SNRNP200: variants seen among roughly 807,000 people sequenced by gnomAD.
The protein encoded by SNRNP200 is U5 small nuclear ribonucleoprotein 200 kDa helicase.
In SNRNP200, 66 loss-of-function variants were observed where a neutral mutation model predicts 255.2. That is an observed-to-expected ratio of 0.26 (90% CI 0.21 to 0.32). The LOEUF (loss-of-function observed/expected upper bound fraction) is 0.32, where lower values mean the gene tolerates loss of function less well. SNRNP200 is among the 10% of genes least tolerant of loss of function. The pLI, the probability that SNRNP200 is intolerant of heterozygous loss-of-function variation, is 1.00. For synonymous variants in SNRNP200, 939 were observed against 1,027.8 expected, an observed-to-expected ratio of 0.91 and a Z score of 1.65; for missense variants, 1,585 against 2,749.8, an observed-to-expected ratio of 0.58 and a Z score of 9.47.
rs780821025 is a variant in SNRNP200, at chr2:96,296,922, G to A, written c.1515+11C>T. The A allele has an allele frequency of 2.5e-6, 4 of 1,614,138 alleles. No individual in the cohort carries two copies. Among genetic ancestry groups the A allele is most frequent in the South Asian group, 2.2e-5 (2 of 91,072 alleles). On this transcript the variant is annotated intron_variant, in intron 12 of 44. Transcript: ENST00000323853. ...ATTCTACAAGAAAACAGCAGGCAGGGTGGCGCTTACAGTAGGAGCACACAG... is the reference window on the plus strand; with the variant it reads ...ATTCTACAAGAAAACAGCAGGCAGGATGGCGCTTACAGTAGGAGCACACAG...
intron 29 of SNRNP200, 44 bp from the exon 30 acceptor site, chr2:96,285,384 G>C (rs2063838178): frequency 6.3e-7 from 1 of 1,599,096 alleles, no homozygotes. Context: ...CAAGAAGGAA[G>C]AAGAGACGGA....
chr2:96,295,675 A>G lies in SNRNP200; in HGVS notation c.1672-17T>C. 2 of 1,612,652 alleles carry G rather than the reference A, an allele frequency of 1.2e-6. No homozygotes were observed. Among genetic ancestry groups the G allele is most frequent in the Non-Finnish European group, 1.7e-6 (2 of 1,179,898 alleles). On this transcript the variant is annotated splice_polypyrimidine_tract_variant and intron_variant, in intron 13 of 44. Coordinates refer to ENST00000323853, the MANE Select transcript of SNRNP200 (RefSeq NM_014014.5). ...GGCCAGGCGCTGTGGGAGGAAAACT[A>G]CATCAGGCAGGAATGCTTGAAGGGG...
Position 96,278,517 on chromosome 2 carries a change from A to G in SNRNP200, c.5488+30T>C, listed in dbSNP as rs1684708107. On this transcript the variant is annotated intron_variant, in intron 38 of 44. Coordinates refer to ENST00000323853, the MANE Select transcript of SNRNP200 (RefSeq NM_014014.5). This position sits in a 1 kb window ranked among gnomAD's most constrained non-coding sequence, Gnocchi z 6.9. ...CTGACCCGTGTAAAAAGGCTCCCAC[A>G]GACAGGACACGGGCCATGCCGGGCC... 1.2e-6 allele frequency: 2 copies of G among 1,613,176 alleles called. No homozygotes were observed. Among genetic ancestry groups the G allele is most frequent in the Admixed American group, 3.3e-5 (2 of 60,010 alleles).
At position 96,295,163 on chromosome 2, in the gene SNRNP200, C is replaced by T. The variant is rs567675031; in HGVS notation, c.1842+325G>A. Among the ~76,000 whole-genome samples, 17 of 152,210 alleles carry T rather than the reference C, an allele frequency of 1.1e-4. No homozygotes were observed. In the East Asian group the frequency reaches 2.9e-3, roughly 26 times the overall value. On this transcript the variant is annotated intron_variant, in intron 14 of 44. Coordinates refer to ENST00000323853, the MANE Select transcript of SNRNP200 (RefSeq NM_014014.5). The stretch of plus-strand genomic sequence containing the variant: ...GGCAGAGGCTGCAGTGAGCCAAGAT[C>T]GTGCCACTGTACTCAGCCTGGGCGA...
In SNRNP200 at chr2:96,293,070, T is replaced by C. The variant is rs767673801; in HGVS notation, c.2062A>G (p.Thr688Ala). The C allele has an allele frequency of 6.2e-6, 10 of 1,614,220 alleles. No individual in the cohort carries two copies. The Admixed American group carries it at 1.7e-4, about 27-fold the overall frequency. The change falls in exon 16 of 45, where the codon ACA becomes GCA. Residue 688 changes from threonine (T) to alanine (A), a missense_variant. By Grantham distance (58) the Thr-to-Ala change is moderately conservative (BLOSUM62 0). Coordinates refer to ENST00000323853, the MANE Select transcript of SNRNP200 (RefSeq NM_014014.5). Reference sequence around the variant, plus strand: ...TTTTTCTCTGTGATACCCACATATGTCTGTTCCAGAGGCACTGGACGGAAG... The same window carrying C: ...TTTTTCTCTGTGATACCCACATATGCCTGTTCCAGAGGCACTGGACGGAAG... ...NSFRPVPLEQ[T>A]YVGITEKKAI...
At chr2:96,302,129 G>A (rs758107220) in intron 3 of SNRNP200, among the ~76,000 whole-genome samples, 4 of 152,222 alleles carry the variant, frequency 2.6e-5, no homozygotes, top group Admixed American at 6.5e-5. Flanking sequence ...AAACTATCTG[G>A]ATCATATCTT....
intron 14 of SNRNP200, 143 bp downstream of exon 14, chr2:96,295,345 T>A: frequency 6.9e-7 from 1 of 1,456,948 alleles, no homozygotes; most frequent in Non-Finnish European, 9.6e-7. Context: ...AGAAGATGGA[T>A]CTCATCCTAC....
Position 96,288,706 on chromosome 2 carries a change from A to G in SNRNP200, c.3215T>C (p.Leu1072Ser). The change falls in exon 24 of 45, where the codon TTG (leucine) becomes TCG (serine). Residue 1072 changes from leucine (L) to serine (S), a missense_variant. Leu to Ser is a moderately radical substitution (Grantham distance 145, BLOSUM62 -2). Around this residue, in one of 9 missense-constraint regions of SNRNP200, gnomAD observed 719 missense variants for 1,091.1 expected, o/e 0.66. Coordinates refer to ENST00000323853, the MANE Select transcript of SNRNP200 (RefSeq NM_014014.5). Reference protein sequence around the residue: ...LLQAFISQLKLEGFALMADMV... With the variant: ...LLQAFISQLKSEGFALMADMV... ...GTCAGCCATCAGTGCAAAGCCCTCC[A>G]ATTTCAGCTGTGAGATGAAGGCTTG... 1 of 1,614,086 alleles carries G rather than the reference A, an allele frequency of 6.2e-7. No homozygotes were observed. The highest frequency in any genetic ancestry group is 8.5e-7 in the Non-Finnish European group (1 of 1,180,026).
chr2:96,282,994 C>T, intron 34 of SNRNP200: 2 of 663,460 alleles, frequency 3.0e-6, no homozygotes, highest in East Asian at 2.8e-5. Flanking sequence ...TGCCTGTTTT[C>T]TCACCTGGCA....
At chr2:96,279,067 A>C in intron 36 of SNRNP200, 69 bp from the exon 37 acceptor site, 2 of 1,275,484 alleles carry the variant, frequency 1.6e-6, no homozygotes, top group Non-Finnish European at 2.3e-6. Context: ...GGCCAAGGGC[A>C]AATCAACAGG....
At chr2:96,303,667 A>G (rs2063968523) in intron 2 of SNRNP200, among the ~76,000 whole-genome samples, 1 of 152,210 alleles carries the variant, frequency 6.6e-6, no homozygotes, top group South Asian at 2.1e-4. Flanking sequence ...AGGCAGGCGG[A>G]TCACCTGAGG....
rs2063884880 is a variant in SNRNP200, at chr2:96,291,674, C to T, written c.2310+77G>A. The T allele has an allele frequency of 6.5e-7, 1 of 1,534,060 alleles. No homozygotes were observed. The highest frequency in any genetic ancestry group is 1.1e-5 in the South Asian group (1 of 89,422). On this transcript the variant is annotated intron_variant, in intron 17 of 44. Transcript: ENST00000323853. The surrounding 1 kb of genome is among the most constrained non-coding windows in gnomAD (Gnocchi z 4.2). ...GAAACAACAATACCACAGTACAGTCCTAGAGGAGCTGTCTGGGGCCTGAGA... is the reference window on the plus strand; with the variant it reads ...GAAACAACAATACCACAGTACAGTCTTAGAGGAGCTGTCTGGGGCCTGAGA...
At chr2:96,282,248 G>C (rs1327936680) in intron 34 of SNRNP200, 1 of 329,936 alleles carries the variant, frequency 3.0e-6, no homozygotes. Context: ...CCACGGGCTG[G>C]CTCAGCCATG....
rs921936804 is a variant in SNRNP200, at chr2:96,292,900, C to A, written c.2160+72G>T. The A allele has an allele frequency of 5.8e-6, 9 of 1,550,170 alleles. No individual in the cohort carries two copies. In the African/African-American group the frequency reaches 1.2e-4, roughly 21 times the overall value. On this transcript the variant is annotated intron_variant, in intron 16 of 44. Coordinates refer to ENST00000323853, the MANE Select transcript of SNRNP200 (RefSeq NM_014014.5). ...CTTCTCTCTTTTAATTTCTGTCAAT[C>A]TTCCCCAATTATTGGTGAATCAAAC...
At position 96,284,547 on chromosome 2, in the gene SNRNP200, G is replaced by A. The variant is rs1166351307; in HGVS notation, c.4203C>T (p.Leu1401=). The change falls in exon 31 of 45, where the codon CTC becomes CTT. Residue 1401 remains leucine, a synonymous_variant. Coordinates refer to ENST00000323853, the MANE Select transcript of SNRNP200 (RefSeq NM_014014.5). The part of the protein sequence containing the change: ...MDWYEKFQDR[L]NKKVVLLTGE... ...CTGTCAGGAGTACCACCTTCTTGTT[G>A]AGCCTGTCCTGGAACTTCTCGTACC... The A allele has an allele frequency of 6.2e-7, 1 of 1,613,978 alleles. No homozygotes were observed. The highest frequency in any genetic ancestry group is 1.3e-5 in the African/African-American group (1 of 74,888).
At chr2:96,276,163 A>T (rs1684654672) in intron 43 of SNRNP200, among the ~76,000 whole-genome samples, 3 of 152,216 alleles carry the variant, frequency 2.0e-5, no homozygotes, top group Admixed American at 2.0e-4. Context: ...TAGTTTACAG[A>T]ATTAAACATG....
chr2:96,297,299 C>G lies in SNRNP200; in HGVS notation c.1377+64G>C, dbSNP rs1018817064. The G allele has an allele frequency of 2.9e-5, 46 of 1,600,652 alleles. No homozygotes were observed. The South Asian group carries it at 3.7e-4, about 13-fold the overall frequency. The stretch of plus-strand genomic sequence containing the variant: ...ATATGAAACAAGGCTACATTTTGGT[C>G]AATGGTTGAAATCCAAACCAGGAGG... On this transcript the variant is annotated intron_variant, in intron 11 of 44. Coordinates refer to ENST00000323853, the MANE Select transcript of SNRNP200 (RefSeq NM_014014.5).
In SNRNP200 at chr2:96,287,628, C is replaced by A. The variant is rs1175928828; in HGVS notation, c.3366-71G>T. The stretch of plus-strand genomic sequence containing the variant: ...TGACAAACCACCCACTTCATGGCTT[C>A]CAATAGTTTAGCAGTGACTACACAA... On this transcript the variant is annotated intron_variant, in intron 25 of 44. Coordinates refer to ENST00000323853, the MANE Select transcript of SNRNP200 (RefSeq NM_014014.5). This position sits in a 1 kb window ranked among gnomAD's most constrained non-coding sequence, Gnocchi z 5.7. 1.6e-5 allele frequency: 19 copies of A among 1,173,126 alleles called. No individual in the cohort carries two copies. The highest frequency in any genetic ancestry group is 2.2e-5 in the Non-Finnish European group (17 of 778,210). 72.7% of individuals were successfully genotyped at this position (1,173,126 alleles called of 1,614,324 possible). A position where few individuals can be genotyped will look rare whatever the true frequency, so the allele number is the denominator to read the frequency against.
In SNRNP200 at chr2:96,278,831, G is replaced by A; in HGVS notation, c.5301C>T (p.Asn1767=). Residue 1767 remains asparagine (N), a synonymous_variant, in exon 37 of 45, where the codon AAC becomes AAT. Coordinates refer to ENST00000323853, the MANE Select transcript of SNRNP200 (RefSeq NM_014014.5). The surrounding 1 kb of genome is among the most constrained non-coding windows in gnomAD (Gnocchi z 6.9). ...WTFLYRRMTQ[N]PNYYNLQGIS... ...GACCCTGCAGGTTGTAGTAATTGGG[G>A]TTCTGTGTCATGCGGCGGTACAGAA... 6.2e-7 allele frequency: 1 copy of A among 1,614,226 alleles called. No homozygotes were observed. The highest frequency in any genetic ancestry group is 2.2e-5 in the East Asian group (1 of 44,890).
Sources: allele counts gnomAD v4.1 joint callset (sites outside exome capture counted in the v4.1 genomes callset), GRCh38; gene constraint gnomAD v4.1.1; regional missense constraint gnomAD v4.1.1; non-coding constraint Gnocchi (gnomAD v3.1); transcripts MANE v1.5; gene names NCBI Gene and HGNC (gene_info 2026-07-23, HGNC 2026-07-21).